The following TNR variants were observed in gnomAD, a reference collection of about 807,000 sequenced individuals.
The protein encoded by TNR is tenascin-R.
In TNR, 45 loss-of-function variants were observed where a neutral mutation model predicts 150.4. The ratio of observed to expected loss-of-function variants is 0.30; its 90% CI spans 0.24 to 0.38. TNR has a LOEUF of 0.38. Ranked by LOEUF, TNR falls within the 10% of genes least tolerant of loss-of-function variation. The probability of loss-of-function intolerance (pLI) is 1.00; values close to 1 mark genes in which losing one functional copy is unlikely to be tolerated. For synonymous variants in TNR, 687 were observed against 678.4 expected, an observed-to-expected ratio of 1.01 and a Z score of -0.20; for missense variants, 1,544 against 1,759.1, an observed-to-expected ratio of 0.88 and a Z score of 2.19.
intron 1 of TNR, among the ~76,000 whole-genome samples, chr1:175,723,095 T>C (rs1287698797): frequency 6.6e-6 from 1 of 152,202 alleles, no homozygotes; most frequent in Non-Finnish European, 1.5e-5. Flanking sequence ...CAGCCTCTAA[T>C]ATATTTTAAT....
At chr1:175,330,448 T>C in intron 20 of TNR, 2 of 423,700 alleles carry the variant, frequency 4.7e-6, no homozygotes, top group Non-Finnish European at 8.1e-6. Context: ...TGCTGATGGG[T>C]TTCCAACACA....
At chr1:175,692,537 A>C (rs1004514349) in intron 1 of TNR, among the ~76,000 whole-genome samples, 2 of 152,190 alleles carry the variant, frequency 1.3e-5, no homozygotes, top group Non-Finnish European at 2.9e-5. Flanking sequence ...AAAGTCTTTA[A>C]TTTGCAGCTA....
chr1:175,382,051 G>A (rs896436486), intron 8 of TNR, among the ~76,000 whole-genome samples: 1 of 152,186 alleles, frequency 6.6e-6, no homozygotes, highest in Non-Finnish European at 1.5e-5. Context: ...TTTCAGAGAG[G>A]CCTTTTCAAA....
chr1:175,686,857 A>G (rs1666215409), intron 1 of TNR, among the ~76,000 whole-genome samples: 2 of 152,218 alleles, frequency 1.3e-5, no homozygotes, highest in African/African-American at 4.8e-5. Flanking sequence ...TCCATGGTGT[A>G]CATGTCCTAA....
intron 18 of TNR, among the ~76,000 whole-genome samples, chr1:175,347,578 C>T (rs750973611): frequency 6.6e-5 from 10 of 152,170 alleles, no homozygotes; most frequent in Non-Finnish European, 1.3e-4. Context: ...TAGGTGTGCA[C>T]CACCATGCCC....
intron 1 of TNR, among the ~76,000 whole-genome samples, chr1:175,585,559 A>G (rs746178166): frequency 6.6e-6 from 1 of 152,232 alleles, no homozygotes; most frequent in Non-Finnish European, 1.5e-5. Context: ...GCTGGGATTC[A>G]GACTTGTGTT....
chr1:175,559,971 T>C (rs1250791915), intron 1 of TNR, among the ~76,000 whole-genome samples: 1 of 152,240 alleles, frequency 6.6e-6, no homozygotes, highest in Non-Finnish European at 1.5e-5. Flanking sequence ...GGAAATGAGA[T>C]GATTGCCTCT....
chr1:175,628,295 G>A (rs1204276533), intron 1 of TNR, among the ~76,000 whole-genome samples: 1 of 152,150 alleles, frequency 6.6e-6, no homozygotes, highest in Non-Finnish European at 1.5e-5. Context: ...CAGGTTCCTA[G>A]AGCCTTTTTA....
At chr1:175,369,925 G>A (rs1034938071) in intron 9 of TNR, among the ~76,000 whole-genome samples, 4 of 152,182 alleles carry the variant, frequency 2.6e-5, no homozygotes, top group African/African-American at 9.7e-5. Context: ...GCATGGCAGA[G>A]CTTACCAGGC....
At chr1:175,633,698 G>A (rs369293930) in intron 1 of TNR, among the ~76,000 whole-genome samples, 1 of 152,064 alleles carries the variant, frequency 6.6e-6, no homozygotes, top group African/African-American at 2.4e-5. Context: ...TAGAACTTTC[G>A]GCCAGGAAAG....
chr1:175,500,949 G>T (rs548587504), intron 2 of TNR, among the ~76,000 whole-genome samples: 1 of 152,298 alleles, frequency 6.6e-6, no homozygotes, highest in South Asian at 2.1e-4. Context: ...GCTCCAGTGG[G>T]TTAGAGAGGA....
At position 175,647,435 on chromosome 1, in the gene TNR, C is replaced by CAAAAAAAAAAAAAAAA. The variant is rs397745737; in HGVS notation, c.-165+95790_-165+95791insTTTTTTTTTTTTTTTT. Among the ~76,000 whole-genome samples, 43 of 121,648 alleles carry CAAAAAAAAAAAAAAAA rather than the reference C, an allele frequency of 3.5e-4. 1 individual carries two copies. The highest frequency in any genetic ancestry group is 1.3e-3 in the African/African-American group (42 of 32,732). The allele number at this position is 121,648 out of a possible 152,430, so 79.8% of individuals were successfully genotyped here. A position where few individuals can be genotyped will look rare whatever the true frequency, so the allele number is the denominator to read the frequency against. ...AAAATACGCTTGTTACTATTCGGTGCAAAAAAAAAAAAAACCTCATTGTCT... is the reference window on the plus strand; with the variant it reads ...AAAATACGCTTGTTACTATTCGGTGCAAAAAAAAAAAAAAAAAAAAAAAAAAAAAACCTCATTGTCT... On this transcript the variant is annotated intron_variant, in intron 1 of 22. Transcript: ENST00000367674.
chr1:175,733,749 C>T (rs540279092), intron 1 of TNR, among the ~76,000 whole-genome samples: 3 of 152,204 alleles, frequency 2.0e-5, no homozygotes, highest in African/African-American at 7.2e-5. Context: ...AACATCTCAC[C>T]TGGCCCCGCT....
At chr1:175,489,798 T>C (rs570861637) in intron 2 of TNR, among the ~76,000 whole-genome samples, 2 of 152,226 alleles carry the variant, frequency 1.3e-5, no homozygotes, top group Non-Finnish European at 2.9e-5. Flanking sequence ...TATACATACA[T>C]ATACATATAT....
chr1:175,698,450 C>A (rs1237520018), intron 1 of TNR, among the ~76,000 whole-genome samples: 1 of 152,024 alleles, frequency 6.6e-6, no homozygotes, highest in Non-Finnish European at 1.5e-5. Flanking sequence ...TTGACGTGTC[C>A]AAGAGATGGT....
intron 1 of TNR, among the ~76,000 whole-genome samples, chr1:175,570,251 C>T (rs1277564586): frequency 1.3e-5 from 2 of 152,190 alleles, no homozygotes; most frequent in Non-Finnish European, 2.9e-5. Context: ...AAACCCACCT[C>T]AATTTCAGGC....
At chr1:175,464,804 A>ATATTTATT (rs764642965) in intron 2 of TNR, among the ~76,000 whole-genome samples, 1 of 152,130 alleles carries the variant, frequency 6.6e-6, no homozygotes, top group Non-Finnish European at 1.5e-5. Flanking sequence ...GTCATTGACA[A>ATATTTATT]TATTTATTTA....
chr1:175,392,512 C>T (rs1003487848), intron 6 of TNR, among the ~76,000 whole-genome samples: 4 of 152,106 alleles, frequency 2.6e-5, no homozygotes, highest in Non-Finnish European at 4.4e-5. Flanking sequence ...GAGAACCTGG[C>T]GTAATTTTTC....
chr1:175,457,144 C>G (rs1049917422), intron 2 of TNR, among the ~76,000 whole-genome samples: 1 of 152,188 alleles, frequency 6.6e-6, no homozygotes, highest in African/African-American at 2.4e-5. Flanking sequence ...TAACTTTTCC[C>G]CTGTCTGTGC....
Sources: gnomAD v4.1 joint callset for allele counts (sites outside exome capture counted in the v4.1 genomes callset) on GRCh38, gnomAD v4.1.1 for gene constraint, MANE v1.5 for transcripts, NCBI Gene and HGNC (gene_info 2026-07-23, HGNC 2026-07-21) for gene names.